Variants in XNDC1N observed in about 807,000 individuals in gnomAD.
The protein encoded by XNDC1N is XRCC1 N-terminal domain containing 1, N-terminal like.
chr11:71,896,943 A>G, the XNDC1N span, among the ~76,000 whole-genome samples: 1 of 152,210 alleles, frequency 6.6e-6, no homozygotes. Flanking sequence ...TTATGTTCAC[A>G]TGATTTTTCA....
chr11:71,883,640 T>C, the XNDC1N span, among the ~76,000 whole-genome samples: 407 of 152,290 alleles, frequency 2.7e-3, no homozygotes, highest in African/African-American at 9.2e-3. Context: ...GTAAAACTTA[T>C]AGAAGAAAAC....
chr11:71,901,798 C>T, the XNDC1N span, among the ~76,000 whole-genome samples: 2 of 152,066 alleles, frequency 1.3e-5, no homozygotes, highest in African/African-American at 2.4e-5. Context: ...CCAGTTGATC[C>T]GATGGAAGTG....
the XNDC1N span, chr11:71,917,431 C>G: frequency 1.6e-6 from 1 of 634,516 alleles, no homozygotes; most frequent in Non-Finnish European, 2.9e-6. Context: ...AGCATGCATC[C>G]TCACCACACA....
chr11:71,902,416 C>A, the XNDC1N span, among the ~76,000 whole-genome samples: 3 of 152,204 alleles, frequency 2.0e-5, no homozygotes, highest in Non-Finnish European at 2.9e-5. Flanking sequence ...TGGTCTTGAT[C>A]TCCTGACCCA....
At chr11:71,865,948 C>T in the XNDC1N span, 1 of 372,462 alleles carries the variant, frequency 2.7e-6, no homozygotes, top group African/African-American at 2.2e-5. Context: ...TAGTTGAAAA[C>T]CACTATAGTA....
At chr11:71,887,519 C>G in the XNDC1N span, among the ~76,000 whole-genome samples, 2 of 151,928 alleles carry the variant, frequency 1.3e-5, no homozygotes, top group Non-Finnish European at 2.9e-5. Flanking sequence ...CCAGCTCTGG[C>G]TAAGCGGTGG....
chr11:71,877,507 G>A, the XNDC1N span, among the ~76,000 whole-genome samples: 5 of 152,200 alleles, frequency 3.3e-5, no homozygotes, highest in Admixed American at 6.5e-5. Context: ...GCATGGAGAC[G>A]TGTGCCTGTA....
chr11:71,907,353 C>T, the XNDC1N span, among the ~76,000 whole-genome samples: 10 of 151,504 alleles, frequency 6.6e-5, no homozygotes, highest in Admixed American at 5.9e-4. Flanking sequence ...GGGTGAGGCG[C>T]CCCCCGCGAT....
At chr11:71,893,171 T>C in the XNDC1N span, among the ~76,000 whole-genome samples, 1 of 152,116 alleles carries the variant, frequency 6.6e-6, no homozygotes, top group Non-Finnish European at 1.5e-5. Flanking sequence ...CTGAAAAGAG[T>C]AGGCCGTATT....
At chr11:71,869,058 T>A in the XNDC1N span, among the ~76,000 whole-genome samples, 1 of 152,178 alleles carries the variant, frequency 6.6e-6, no homozygotes, top group East Asian at 1.9e-4. Context: ...TCTATTTTTT[T>A]ATTATTATTA....
the XNDC1N span, among the ~76,000 whole-genome samples, chr11:71,880,076 A>G: frequency 6.6e-6 from 1 of 152,220 alleles, no homozygotes; most frequent in Non-Finnish European, 1.5e-5. Context: ...ATAATTCTGT[A>G]TAATTATATA....
chr11:71,906,741 C>G, the XNDC1N span, among the ~76,000 whole-genome samples: 1 of 152,152 alleles, frequency 6.6e-6, no homozygotes, highest in Non-Finnish European at 1.5e-5. Context: ...CGTAATATCA[C>G]TGTGTGTACA....
the XNDC1N span, among the ~76,000 whole-genome samples, chr11:71,920,878 T>G: frequency 4.6e-5 from 7 of 152,250 alleles, no homozygotes; most frequent in African/African-American, 1.7e-4. Flanking sequence ...GGCAGGAGAA[T>G]CGCTTGAACC....
At chr11:71,866,146 CTT>C in the XNDC1N span, among the ~76,000 whole-genome samples, 25,986 of 146,722 alleles carry the variant, frequency 0.18, 3,771 homozygotes, top group African/African-American at 0.4. Flanking sequence ...GAGATAACCC[CTT>C]TTTTTTTTTT....
the XNDC1N span, among the ~76,000 whole-genome samples, chr11:71,881,848 T>C: frequency 6.6e-6 from 1 of 152,090 alleles, no homozygotes; most frequent in Non-Finnish European, 1.5e-5. Flanking sequence ...AAGAACAGAA[T>C]ATTTAATAAG....
the XNDC1N span, among the ~76,000 whole-genome samples, chr11:71,894,687 C>T: frequency 3.3e-5 from 5 of 152,212 alleles, no homozygotes; most frequent in East Asian, 9.6e-4. Flanking sequence ...GGAATCACAA[C>T]CATCTTTTCA....
chr11:71,920,305 A>AT, the XNDC1N span, among the ~76,000 whole-genome samples: 8 of 144,790 alleles, frequency 5.5e-5, no homozygotes, highest in African/African-American at 1.8e-4. Context: ...CATTTATAAG[A>AT]TTTTTTTCTT....
At chr11:71,903,030 G>A in the XNDC1N span, among the ~76,000 whole-genome samples, 1 of 152,234 alleles carries the variant, frequency 6.6e-6, no homozygotes, top group East Asian at 1.9e-4. Context: ...GAGTTTGTCA[G>A]AACTACAAAA....
the XNDC1N span, among the ~76,000 whole-genome samples, chr11:71,887,698 G>T: frequency 6.6e-6 from 1 of 152,126 alleles, no homozygotes; most frequent in Non-Finnish European, 1.5e-5. Flanking sequence ...GGTCTCCATG[G>T]AACACTCCCC....
Sources: gnomAD v4.1 joint callset for allele counts (sites outside exome capture counted in the v4.1 genomes callset) on GRCh38, gnomAD v4.1.1 for gene constraint, MANE v1.5 for transcripts, NCBI Gene and HGNC (gene_info 2026-07-23, HGNC 2026-07-21) for gene names.